RIMBP2: variants seen among roughly 807,000 people sequenced by gnomAD.
RIMBP2 encodes RIMS binding protein 2.
Under a neutral mutation model 118.6 loss-of-function variants are expected in RIMBP2, and 48 were observed. The observed-to-expected ratio is 0.40, with a 90% CI of 0.32 to 0.51. RIMBP2 has a LOEUF of 0.51. RIMBP2 is among the 20% of genes least tolerant of loss of function. RIMBP2 has a pLI of 0.41. For missense variants in RIMBP2, 1,551 were observed against 1,768.3 expected (o/e 0.88, Z 2.20); for synonymous variants, 762 against 742.9 (o/e 1.03, Z -0.42).
chr12:130,407,594 G>A (rs1394343144), intron 20 of RIMBP2, 132 bp downstream of exon 20: 2 of 792,052 alleles, frequency 2.5e-6, no homozygotes, highest in South Asian at 1.4e-5. Flanking sequence ...CCCTCGGATC[G>A]GCAGCCCTTC....
intron 1 of RIMBP2, among the ~76,000 whole-genome samples, chr12:130,641,830 T>G (rs912750947): frequency 1.3e-5 from 2 of 152,068 alleles, no homozygotes; most frequent in Non-Finnish European, 2.9e-5. Flanking sequence ...CGAGCGTGGC[T>G]GCACCGGGCT....
At chr12:130,483,785 T>A (rs988351618) in intron 4 of RIMBP2, among the ~76,000 whole-genome samples, 1 of 132,740 alleles carries the variant, frequency 7.5e-6, no homozygotes, top group African/African-American at 2.9e-5. Flanking sequence ...CTACACACAG[T>A]GCCCGGAGCC....
chr12:130,637,935 G>C (rs1478031176), intron 1 of RIMBP2, among the ~76,000 whole-genome samples: 1 of 143,220 alleles, frequency 7.0e-6, no homozygotes, highest in Non-Finnish European at 1.5e-5. Flanking sequence ...GGCATTGACT[G>C]TGTAGACAGT....
At position 130,437,135 on chromosome 12, in the gene RIMBP2, G is replaced by T; in HGVS notation, c.1813C>A (p.Pro605Thr). Residue 605 changes from proline to threonine, a missense_variant, in exon 13 of 23, where the codon CCT (proline) becomes ACT (threonine). Transcript: ENST00000690449. Reference sequence around the variant, plus strand: ...GCAGGTCTCGGGTGGGGGGTAGGAGGCACCAGGAGCTCGGGGGGAACGGCA... The same window carrying T: ...GCAGGTCTCGGGTGGGGGGTAGGAGTCACCAGGAGCTCGGGGGGAACGGCA... ...VAAVPPELLV[P>T]PTPHPRPAPQ... 1 of 1,582,462 alleles carries T rather than the reference G, an allele frequency of 6.3e-7. No individual in the cohort carries two copies. Among genetic ancestry groups the T allele is most frequent in the African/African-American group, 1.4e-5 (1 of 73,294 alleles).
At chr12:130,685,866 G>A (rs2065016804) in intron 1 of RIMBP2, among the ~76,000 whole-genome samples, 1 of 152,162 alleles carries the variant, frequency 6.6e-6, no homozygotes. Context: ...GTCCGCTGGT[G>A]GACCAGAACA....
intron 1 of RIMBP2, among the ~76,000 whole-genome samples, chr12:130,693,773 G>A (rs1300260851): frequency 1.3e-5 from 2 of 152,208 alleles, no homozygotes; most frequent in Non-Finnish European, 2.9e-5. Context: ...GAAAGGCGTC[G>A]TTCCCAAGAA....
intron 2 of RIMBP2, among the ~76,000 whole-genome samples, chr12:130,619,325 G>A (rs1329557362): frequency 6.6e-6 from 1 of 152,202 alleles, no homozygotes; most frequent in Non-Finnish European, 1.5e-5. Flanking sequence ...AACAGTCACT[G>A]CTTTACAAAA....
At chr12:130,697,645 A>C (rs1462998917) in intron 1 of RIMBP2, among the ~76,000 whole-genome samples, 1 of 152,148 alleles carries the variant, frequency 6.6e-6, no homozygotes, top group Non-Finnish European at 1.5e-5. Flanking sequence ...TGGTGCCATC[A>C]ACCTTCATCA....
chr12:130,460,655 G>A (rs943117264), intron 6 of RIMBP2, among the ~76,000 whole-genome samples: 2 of 152,098 alleles, frequency 1.3e-5, no homozygotes, highest in African/African-American at 4.8e-5. Flanking sequence ...GTCACAGTTT[G>A]GTGTTAGTAT....
chr12:130,615,100 G>A (rs895504132), intron 2 of RIMBP2, among the ~76,000 whole-genome samples: 1 of 145,190 alleles, frequency 6.9e-6, no homozygotes, highest in Non-Finnish European at 1.5e-5. Context: ...GTATATATGT[G>A]TATTATGTAT....
chr12:130,590,971 C>T (rs971972236), intron 2 of RIMBP2, among the ~76,000 whole-genome samples: 7 of 152,214 alleles, frequency 4.6e-5, no homozygotes, highest in Non-Finnish European at 7.3e-5. Context: ...CAGACTCTAG[C>T]GTTCAACATC....
intron 4 of RIMBP2, among the ~76,000 whole-genome samples, 190 bp from the exon 5 acceptor site, chr12:130,479,206 T>C (rs550910758): frequency 1.7e-4 from 26 of 152,230 alleles, no homozygotes; most frequent in Non-Finnish European, 2.4e-4. Context: ...ATGCGGGAGC[T>C]ATGACATAAA....
At chr12:130,647,130 C>G (rs2063021027) in intron 1 of RIMBP2, among the ~76,000 whole-genome samples, 1 of 152,130 alleles carries the variant, frequency 6.6e-6, no homozygotes, top group African/African-American at 2.4e-5. Flanking sequence ...AGTAAATAAG[C>G]AACTTGAGAA....
chr12:130,615,023 C>A (rs76033380), intron 2 of RIMBP2, among the ~76,000 whole-genome samples: 1,901 of 148,488 alleles, frequency 0.013, 34 homozygotes, highest in African/African-American at 0.044. Flanking sequence ...TGGCAGGAAA[C>A]GTGCAGATAC....
At chr12:130,451,165 C>G (rs2398519) in intron 8 of RIMBP2, 30 bp downstream of exon 8, 1,605,387 of 1,607,288 alleles carry the variant, frequency 1, 801,761 homozygotes, top group East Asian at 1. Flanking sequence ...GCACAGGCAG[C>G]CCCGGCAGCC....
At chr12:130,463,657 G>T (rs1281297311) in intron 6 of RIMBP2, among the ~76,000 whole-genome samples, 1 of 151,994 alleles carries the variant, frequency 6.6e-6, no homozygotes, top group Non-Finnish European at 1.5e-5. Context: ...CAGAACCCAG[G>T]GACGGTCCAG....
chr12:130,547,784 T>G (rs376386615), intron 2 of RIMBP2, among the ~76,000 whole-genome samples: 1 of 152,232 alleles, frequency 6.6e-6, no homozygotes, highest in East Asian at 1.9e-4. Flanking sequence ...CTGCCTACGC[T>G]CGTTCCCACT....
intron 2 of RIMBP2, among the ~76,000 whole-genome samples, chr12:130,618,161 C>G (rs2061071434): frequency 2.0e-5 from 3 of 152,070 alleles, no homozygotes; most frequent in Non-Finnish European, 4.4e-5. Flanking sequence ...TTGCCCGTAA[C>G]TATGCGTCAA....
At chr12:130,497,785 G>A (rs74979939) in intron 4 of RIMBP2, among the ~76,000 whole-genome samples, 7,106 of 152,280 alleles carry the variant, frequency 0.047, 584 homozygotes, top group African/African-American at 0.16. Flanking sequence ...ACTCACTTCT[G>A]ACAGGCACCC....
Sources: gnomAD v4.1 joint callset for allele counts (sites outside exome capture counted in the v4.1 genomes callset) on GRCh38, gnomAD v4.1.1 for gene constraint, MANE v1.5 for transcripts, NCBI Gene and HGNC (gene_info 2026-07-23, HGNC 2026-07-21) for gene names.